MTF1: variants seen among roughly 807,000 people sequenced by gnomAD.
MTF1 encodes the protein metal regulatory transcription factor 1.
A neutral mutation model predicts 70.4 loss-of-function variants in MTF1; 22 were observed. That is an observed-to-expected ratio of 0.31 (90% confidence interval 0.22 to 0.45). MTF1 has a LOEUF of 0.45. Ranked by LOEUF, MTF1 falls within the 20% of genes least tolerant of loss-of-function variation. The pLI, the probability that MTF1 is intolerant of heterozygous loss-of-function variation, is 1.00. For synonymous variants in MTF1, 333 were observed against 352.8 expected (o/e 0.94, Z 0.63); for missense variants, 649 against 922.0 (o/e 0.70, Z 3.83).
intron 2 of MTF1, among the ~76,000 whole-genome samples, chr1:37,854,802 G>C (rs989899051): frequency 4.6e-5 from 7 of 152,222 alleles, no homozygotes; most frequent in Admixed American, 2.0e-4. Context: ...GCTCATGCCT[G>C]TAATCCCAGC....
At chr1:37,819,175 TTTTC>T (rs1232614970) in intron 9 of MTF1, among the ~76,000 whole-genome samples, 9 of 152,306 alleles carry the variant, frequency 5.9e-5, no homozygotes, top group Non-Finnish European at 1.3e-4. Context: ...AATAAATGTA[TTTTC>T]TTTATCAATT....
intron 10 of MTF1, among the ~76,000 whole-genome samples, chr1:37,816,759 G>T (rs185069115): frequency 4.6e-5 from 7 of 152,258 alleles, no homozygotes; most frequent in Non-Finnish European, 5.9e-5. Context: ...CTACTTGGGG[G>T]GCTGAGGCAA....
chr1:37,822,009 T>C (rs765358342), intron 9 of MTF1, 112 bp downstream of exon 9: 173 of 801,358 alleles, frequency 2.2e-4, no homozygotes, highest in Non-Finnish European at 3.2e-4. Flanking sequence ...TAGAATTACA[T>C]GTTTCACGGT....
intron 9 of MTF1, among the ~76,000 whole-genome samples, chr1:37,818,589 A>T (rs1386933185): frequency 2.6e-5 from 4 of 152,000 alleles, no homozygotes; most frequent in Non-Finnish European, 5.9e-5. Flanking sequence ...CTGTAGTCCC[A>T]GCTAATCGGG....
intron 3 of MTF1, 21 bp downstream of exon 3, chr1:37,839,899 A>C (rs1410527853): frequency 6.3e-7 from 1 of 1,586,146 alleles, no homozygotes; most frequent in Non-Finnish European, 8.7e-7. Context: ...AGGCTGGCAG[A>C]GCATTGGAGA....
intron 4 of MTF1, among the ~76,000 whole-genome samples, chr1:37,836,873 T>G (rs1445417249): frequency 6.7e-6 from 1 of 149,500 alleles, no homozygotes; most frequent in Non-Finnish European, 1.5e-5. Context: ...AATGCAGTTT[T>G]AATCATCACA....
Position 37,815,176 on chromosome 1 carries a change from C to A in MTF1, c.2222G>T (p.Gly741Val), listed in dbSNP as rs201554271. ...NLIPIEALLQ[G>V]EEEMGLTSSF... ...GCTGGTGAGGCCCATCTCCTCCTCC[C>A]CCTGCAGTAGTGCTTCAATGGGAAT... is the stretch of plus-strand genomic sequence containing the variant. The change falls in exon 11 of 11, where the codon GGG becomes GTG. Residue 741 changes from glycine (G) to valine (V), a missense_variant. Coordinates refer to ENST00000373036, the MANE Select transcript of MTF1 (RefSeq NM_005955.3). This position sits in a 1 kb window ranked among gnomAD's most constrained non-coding sequence, Gnocchi z 4.5. 5.3e-5 allele frequency: 85 copies of A among 1,614,062 alleles called. No individual in the cohort carries two copies. Among genetic ancestry groups the A allele is most frequent in the Non-Finnish European group, 7.1e-5 (84 of 1,180,040 alleles).
chr1:37,839,899 A>G, intron 3 of MTF1, 21 bp downstream of exon 3: 3 of 1,586,146 alleles, frequency 1.9e-6, no homozygotes, highest in Non-Finnish European at 2.6e-6. Flanking sequence ...AGGCTGGCAG[A>G]GCATTGGAGA....
intron 8 of MTF1, among the ~76,000 whole-genome samples, chr1:37,823,337 G>A (rs1169419585): frequency 6.6e-6 from 1 of 152,064 alleles, no homozygotes; most frequent in Non-Finnish European, 1.5e-5. Flanking sequence ...CAGCTACTCA[G>A]GAGGCTGAGG....
Position 37,810,014 on chromosome 1 carries a change from C to G in MTF1, c.*5122G>C, listed in dbSNP as rs1376347813. The G allele has an allele frequency of 6.6e-6, 1 of 152,360 alleles. No homozygotes were observed. Among genetic ancestry groups the G allele is most frequent in the African/African-American group, 2.4e-5 (1 of 41,414 alleles). The allele number at this position is 152,360 out of a possible 1,614,324, so 9.4% of individuals were successfully genotyped here. On this transcript the variant is annotated 3_prime_UTR_variant, in exon 11 of 11. Transcript: ENST00000373036. ...CAGCAAAAATCTGTTTCCAGCCACCCTCCCCAAATAGGGACTAGAAAGAGT... is the reference window on the plus strand; with the variant it reads ...CAGCAAAAATCTGTTTCCAGCCACCGTCCCCAAATAGGGACTAGAAAGAGT...
chr1:37,842,434 T>C (rs1034641150), intron 2 of MTF1, among the ~76,000 whole-genome samples: 1 of 152,252 alleles, frequency 6.6e-6, no homozygotes, highest in Non-Finnish European at 1.5e-5. Context: ...AACTTCCCGG[T>C]AGTCAGACTC....
In MTF1 at chr1:37,835,726, A is replaced by G. The variant is rs1203112053; in HGVS notation, c.798T>C (p.Cys266=). Reference sequence around the variant, plus strand: ...GGTGGCTTGCTGCAAATGCTTTTCCACAGCCATCGTGATCGCACCTAAATT... The same window carrying G: ...GGTGGCTTGCTGCAAATGCTTTTCCGCAGCCATCGTGATCGCACCTAAATT... ...EKPFRCDHDG[C]GKAFAASHHL... is the part of the protein sequence containing the mutation. The change falls in exon 5 of 11, where the codon TGT becomes TGC. Residue 266 remains cysteine, a synonymous_variant. Coordinates refer to ENST00000373036, the MANE Select transcript of MTF1 (RefSeq NM_005955.3). The G allele has an allele frequency of 1.2e-5, 20 of 1,614,102 alleles. No homozygotes were observed. The highest frequency in any genetic ancestry group is 1.7e-5 in the Non-Finnish European group (20 of 1,179,980).
intron 3 of MTF1, among the ~76,000 whole-genome samples, chr1:37,839,662 A>G (rs1333192331): frequency 6.6e-6 from 1 of 152,184 alleles, no homozygotes; most frequent in Non-Finnish European, 1.5e-5. Context: ...TGAGATGCAA[A>G]TCTAAACAGA....
chr1:37,820,825 G>A (rs1400970471), intron 9 of MTF1, among the ~76,000 whole-genome samples: 1 of 152,110 alleles, frequency 6.6e-6, no homozygotes, highest in Non-Finnish European at 1.5e-5. Context: ...GTACCACACT[G>A]TTGCAAGATG....
intron 7 of MTF1, among the ~76,000 whole-genome samples, chr1:37,825,907 C>A (rs1640995377): frequency 6.6e-6 from 1 of 152,158 alleles, no homozygotes; most frequent in Non-Finnish European, 1.5e-5. Flanking sequence ...ATCAGTAAGG[C>A]TTCCAATCAC....
chr1:37,842,244 G>A (rs1641265111), intron 2 of MTF1, among the ~76,000 whole-genome samples: 1 of 152,036 alleles, frequency 6.6e-6, no homozygotes, highest in Admixed American at 6.5e-5. Context: ...CTCCAGCCTA[G>A]ATGACAGAAA....
chr1:37,833,803 T>TA (rs1641123459), intron 6 of MTF1, among the ~76,000 whole-genome samples: 1 of 151,532 alleles, frequency 6.6e-6, no homozygotes, highest in Non-Finnish European at 1.5e-5. Flanking sequence ...GGAAAGAGGG[T>TA]ATCAACCATG....
At chr1:37,845,895 T>A (rs1315364370) in intron 2 of MTF1, among the ~76,000 whole-genome samples, 1 of 152,134 alleles carries the variant, frequency 6.6e-6, no homozygotes, top group South Asian at 2.1e-4. Flanking sequence ...AAATGAGTAA[T>A]CTCTTGCCTC....
rs201685070 is a variant in MTF1, at chr1:37,815,465, G to A, written c.1933C>T (p.Arg645Trp). The change falls in exon 11 of 11, where the codon CGG becomes TGG. Residue 645 changes from arginine (R) to tryptophan (W), a missense_variant. By Grantham distance (101) the Arg-to-Trp change is moderately radical (BLOSUM62 -3). Transcript: ENST00000373036. The surrounding 1 kb of genome is among the most constrained non-coding windows in gnomAD (Gnocchi z 4.5). ...QCACRDSAKE[R>W]ASSRRKGCSS... ...CAGCCCTTTCTCCTGCTGGATGCCCGCTCCTTTGCAGAGTCCCGGCATGCA... is the reference window on the plus strand; with the variant it reads ...CAGCCCTTTCTCCTGCTGGATGCCCACTCCTTTGCAGAGTCCCGGCATGCA... The A allele has an allele frequency of 4.8e-5, 77 of 1,603,576 alleles. No homozygotes were observed. The Middle Eastern group carries it at 1.0e-3, about 21-fold the overall frequency.
Sources: gnomAD v4.1 joint callset for allele counts (sites outside exome capture counted in the v4.1 genomes callset) on GRCh38, gnomAD v4.1.1 for gene constraint, Gnocchi (gnomAD v3.1) non-coding constraint, MANE v1.5 for transcripts, NCBI Gene and HGNC (gene_info 2026-07-23, HGNC 2026-07-21) for gene names.